The following ADCY7 variants were observed in gnomAD, a reference collection of about 807,000 sequenced individuals.
ADCY7 encodes adenylate cyclase 7.
ADCY7 carries 72 observed loss-of-function variants against 120.6 expected under a neutral mutation model. That is an observed-to-expected ratio of 0.60 (90% CI 0.49 to 0.73). The LOEUF is 0.73. ADCY7 is among the 30% of genes least tolerant of loss of function. The pLI is 0.00. For synonymous variants in ADCY7, 661 were observed against 628.0 expected (o/e 1.05, Z -0.78); for missense variants, 1,227 against 1,486.0 (o/e 0.83, Z 2.87).
chr16:50,314,220 G>A, intron 23 of ADCY7, 72 bp from the exon 24 acceptor site: 4 of 1,490,348 alleles, frequency 2.7e-6, no homozygotes, highest in South Asian at 2.3e-5. Flanking sequence ...CTCAACAAGA[G>A]TGGCGCGCCA....
intron 24 of ADCY7, 34 bp from the exon 25 acceptor site, chr16:50,314,980 T>C: frequency 6.2e-7 from 1 of 1,612,848 alleles, no homozygotes; most frequent in East Asian, 2.2e-5. Flanking sequence ...AGGCTTTGCC[T>C]GCACGCTTGG....
chr16:50,265,675 G>A (rs1376155282), upstream of ADCY7, among the ~76,000 whole-genome samples: 1 of 152,160 alleles, frequency 6.6e-6, no homozygotes, highest in African/African-American at 2.4e-5. Flanking sequence ...CCAGAAGAGG[G>A]GTGTCTGACC....
intron 24 of ADCY7, 61 bp downstream of exon 24, chr16:50,314,467 T>C (rs1035153309): frequency 2.0e-5 from 26 of 1,274,994 alleles, no homozygotes; most frequent in Admixed American, 1.2e-4. Flanking sequence ...CCACCCAGTC[T>C]GTGTGGCACA....
Position 50,297,990 on chromosome 16 carries a change from G to T in ADCY7, c.949-914G>T, listed in dbSNP as rs950653828. Among the ~76,000 whole-genome samples the T allele has an allele frequency of 2.0e-5, 3 of 152,004 alleles. No individual in the cohort carries two copies. Among genetic ancestry groups the T allele is most frequent in the African/African-American group, 4.8e-5 (2 of 41,366 alleles). ...CACCCTTGCTGAGGGCTTAAGGAGGGTCTGGTGACGCAGCAGTGCCTCAGA... is the reference window on the plus strand; with the variant it reads ...CACCCTTGCTGAGGGCTTAAGGAGGTTCTGGTGACGCAGCAGTGCCTCAGA... On this transcript the variant is annotated intron_variant, in intron 7 of 25. Transcript: ENST00000673801. The surrounding 1 kb of genome is among the most constrained non-coding windows in gnomAD (Gnocchi z 4.4).
Position 50,307,042 on chromosome 16 carries a change from GCC to G in ADCY7, c.1753-4_1753-3del. ...GTGGCCACCCCTCACAGTCCCTGCT[GCC>G]CCCAGTACCGCCTGGCACCCATCCC... On this transcript the variant is annotated splice_polypyrimidine_tract_variant and splice_region_variant and intron_variant, in intron 14 of 25. Coordinates refer to ENST00000673801, the MANE Select transcript of ADCY7 (RefSeq NM_001114.5). The G allele has an allele frequency of 6.2e-7, 1 of 1,604,606 alleles. No individual in the cohort carries two copies.
chr16:50,273,122 G>C (rs1416268459), intron 1 of ADCY7, among the ~76,000 whole-genome samples: 1 of 152,180 alleles, frequency 6.6e-6, no homozygotes, highest in South Asian at 2.1e-4. Context: ...TGCTCACCCT[G>C]GTGTCTGGAG....
intron 10 of ADCY7, among the ~76,000 whole-genome samples, chr16:50,303,789 T>A (rs775059968): frequency 2.7e-5 from 4 of 148,536 alleles, no homozygotes; most frequent in Non-Finnish European, 4.5e-5. Flanking sequence ...ATCGCTGCCC[T>A]GGGGGTTGGC....
rs1424137347 is a variant in ADCY7 at position 50,249,688 on chromosome 16, C to T, written c.-64+3485C>T. Among the ~76,000 whole-genome samples the T allele has an allele frequency of 7.2e-5, 11 of 152,342 alleles. No homozygotes were observed. The East Asian group carries it at 1.9e-3, about 27-fold the overall frequency. ...AGGCCCTCGTTATCGCCCAGTTTGC[C>T]AGGAGGTGGGGAGGCTCCTCTGCAG... On this transcript the variant is annotated intron_variant, in intron 1 of 4. Transcript: ENST00000564044.
At chr16:50,269,431 G>A (rs1490777956) in intron 1 of ADCY7, among the ~76,000 whole-genome samples, 3 of 152,236 alleles carry the variant, frequency 2.0e-5, no homozygotes, top group African/African-American at 7.2e-5. Flanking sequence ...TTGGGCTCCT[G>A]TGAGGGCCTC....
chr16:50,315,418 C>A lies in ADCY7; in HGVS notation c.3156C>A (p.Gly1052=). The part of the protein sequence containing the change: ...QGLGYSCECR[G]LINVKGKGEL... ...TCGGGTACTCTTGTGAATGCCGTGG[C>A]CTGATCAACGTCAAAGGCAAAGGCG... is the stretch of plus-strand genomic sequence containing the variant. Residue 1052 remains glycine (G), a synonymous_variant, in exon 26 of 26, where the codon GGC becomes GGA. Coordinates refer to ENST00000673801, the MANE Select transcript of ADCY7 (RefSeq NM_001114.5). The A allele has an allele frequency of 6.2e-7, 1 of 1,614,174 alleles. No homozygotes were observed. The highest frequency in any genetic ancestry group is 8.5e-7 in the Non-Finnish European group (1 of 1,180,002).
intron 8 of ADCY7, among the ~76,000 whole-genome samples, chr16:50,299,304 G>A (rs746582362): frequency 2.6e-5 from 4 of 152,248 alleles, no homozygotes; most frequent in Admixed American, 2.0e-4. Context: ...GGTGGGCTCC[G>A]CTCCCCTCAA....
chr16:50,251,496 C>T (rs2032755203), intron 1 of ADCY7, among the ~76,000 whole-genome samples: 1 of 152,228 alleles, frequency 6.6e-6, no homozygotes, highest in Admixed American at 6.5e-5. Flanking sequence ...AAGTGGCTTG[C>T]TCAGGACACC....
rs891607668 is a variant in ADCY7 at position 50,247,812 on chromosome 16, G to A, written c.-64+1609G>A. ...AAAGCTGCCTCTCCTCTGCTCGTTC[G>A]GGATCCCCAGGTGCTGGGTCCTCTT... On this transcript the variant is annotated intron_variant, in intron 1 of 4. Transcript: ENST00000564044. 5.3e-5 allele frequency among the ~76,000 whole-genome samples: 8 copies of A among 152,226 alleles called. No individual in the cohort carries two copies. In the South Asian group the frequency reaches 6.2e-4, roughly 12 times the overall value.
chr16:50,281,331 C>T (rs1596866100), intron 1 of ADCY7, among the ~76,000 whole-genome samples: 1 of 152,218 alleles, frequency 6.6e-6, no homozygotes, highest in Non-Finnish European at 1.5e-5. Flanking sequence ...GGATTGGGTG[C>T]AGGCATCCTC....
At chr16:50,248,390 G>A (rs1005570917) in intron 1 of ADCY7, among the ~76,000 whole-genome samples, 8 of 152,240 alleles carry the variant, frequency 5.3e-5, no homozygotes, top group Admixed American at 5.2e-4. Flanking sequence ...ATCCAGCAAG[G>A]GGTGGCCTGT....
Position 50,298,991 on chromosome 16 carries a change from A to G in ADCY7, c.1036A>G (p.Asn346Asp), listed in dbSNP as rs1222362505. The G allele has an allele frequency of 6.2e-7, 1 of 1,613,070 alleles. No homozygotes were observed. Among genetic ancestry groups the G allele is most frequent in the South Asian group, 1.1e-5 (1 of 91,086 alleles). ...LPVSLPTHARNCVKMGLDMCQ... is the reference protein window; with the variant it reads ...LPVSLPTHARDCVKMGLDMCQ... ...CGTGTCGCTGCCTACCCACGCCCGG[A>G]ACTGCGTGAAGATGGGGCTGGACAT... Residue 346 changes from asparagine to aspartate, a missense_variant, in exon 8 of 26, where the codon AAC becomes GAC. Asn to Asp is a conservative substitution (Grantham distance 23). Around this residue, in one of 5 missense-constraint regions of ADCY7, gnomAD observed 332 missense variants for 455.8 expected, o/e 0.73. Transcript: ENST00000673801.
At position 50,314,426 on chromosome 16, in the gene ADCY7, C is replaced by T. The variant is rs373461661; in HGVS notation, c.2971+20C>T. 1.9e-5 allele frequency: 31 copies of T among 1,599,278 alleles called. No homozygotes were observed. The highest frequency in any genetic ancestry group is 2.3e-5 in the Non-Finnish European group (27 of 1,170,514). On this transcript the variant is annotated intron_variant, in intron 24 of 25. Transcript: ENST00000673801. ...GCGTCGGTGAGCCCGGGTGATGGAGCGGGGTGGGGAGCCCCTGCCTCTAGG... is the reference window on the plus strand; with the variant it reads ...GCGTCGGTGAGCCCGGGTGATGGAGTGGGGTGGGGAGCCCCTGCCTCTAGG...
At chr16:50,267,403 C>G (rs1258643245) in intron 1 of ADCY7, among the ~76,000 whole-genome samples, 1 of 152,178 alleles carries the variant, frequency 6.6e-6, no homozygotes, top group Non-Finnish European at 1.5e-5. Context: ...CCCTGGACAG[C>G]CATTGCTGGA....
upstream of ADCY7, among the ~76,000 whole-genome samples, chr16:50,261,964 C>T (rs924402082): frequency 3.3e-5 from 5 of 152,164 alleles, no homozygotes; most frequent in Admixed American, 6.5e-5. Flanking sequence ...CCTACAGAGA[C>T]GTGCCCAGAG....
Sources: allele counts gnomAD v4.1 joint callset (sites outside exome capture counted in the v4.1 genomes callset), GRCh38; gene constraint gnomAD v4.1.1; regional missense constraint gnomAD v4.1.1; non-coding constraint Gnocchi (gnomAD v3.1); transcripts MANE v1.5; gene names NCBI Gene and HGNC (gene_info 2026-07-23, HGNC 2026-07-21).